Variants in TGS1 observed in about 807,000 individuals in gnomAD.
The protein encoded by TGS1 is trimethylguanosine synthase.
In TGS1, 69 loss-of-function variants were observed where a neutral mutation model predicts 92.2. The observed-to-expected ratio is 0.75, with a 90% CI of 0.62 to 0.91. The LOEUF is 0.91. Among genes scored for constraint, TGS1 ranks in the 40% least tolerant of loss-of-function variants. The pLI is 0.00. For missense variants in TGS1, 1,062 were observed against 1,001.2 expected (o/e 1.06, Z -0.82); for synonymous variants, 345 against 338.1 (o/e 1.02, Z -0.22).
At chr8:55,793,565 GTTTGT>G (rs1439591669) in intron 6 of TGS1, among the ~76,000 whole-genome samples, 2 of 151,666 alleles carry the variant, frequency 1.3e-5, no homozygotes, top group Non-Finnish European at 2.9e-5. Context: ...CACATTTTTT[GTTTGT>G]TTTGTTTTGT....
chr8:55,773,769 A>C (rs771662802), intron 1 of TGS1, 50 bp downstream of exon 1: 1 of 1,445,534 alleles, frequency 6.9e-7, no homozygotes, highest in Non-Finnish European at 9.5e-7. Flanking sequence ...CATTACCCAG[A>C]AATGTAGGTA....
At chr8:55,814,680 T>A (rs1262552388) in intron 12 of TGS1, among the ~76,000 whole-genome samples, 9 of 139,710 alleles carry the variant, frequency 6.4e-5, no homozygotes, top group East Asian at 2.0e-4. Context: ...AAAAAATATA[T>A]ATATATATAT....
chr8:55,803,130 G>GTGTGT (rs1563462674), intron 9 of TGS1, among the ~76,000 whole-genome samples: 2 of 143,586 alleles, frequency 1.4e-5, no homozygotes, highest in Non-Finnish European at 3.0e-5. Context: ...AATTTGGGGG[G>GTGTGT]GTGTGTGTGT....
intron 10 of TGS1, among the ~76,000 whole-genome samples, chr8:55,806,783 A>C (rs1812384710): frequency 6.6e-6 from 1 of 152,250 alleles, no homozygotes; most frequent in Admixed American, 6.5e-5. Flanking sequence ...GGCACACCTA[A>C]TAACTTGAAG....
intron 11 of TGS1, among the ~76,000 whole-genome samples, chr8:55,811,416 C>T (rs1037034310): frequency 2.7e-5 from 4 of 150,356 alleles, no homozygotes; most frequent in African/African-American, 4.9e-5. Context: ...GATCTGAGAT[C>T]GCGCCACTGC....
intron 6 of TGS1, among the ~76,000 whole-genome samples, chr8:55,794,192 G>A (rs1308565744): frequency 1.3e-5 from 2 of 152,012 alleles, no homozygotes; most frequent in African/African-American, 4.8e-5. Flanking sequence ...TTAGGGTCTC[G>A]CTCTGTAACA....
At chr8:55,820,899 G>T (rs1803618504) in intron 12 of TGS1, among the ~76,000 whole-genome samples, 1 of 152,140 alleles carries the variant, frequency 6.6e-6, no homozygotes. Context: ...TAAGAAAGCG[G>T]AGGGAACCAA....
intron 1 of TGS1, among the ~76,000 whole-genome samples, chr8:55,776,402 C>A (rs1811401015): frequency 6.6e-6 from 1 of 151,668 alleles, no homozygotes; most frequent in Non-Finnish European, 1.5e-5. Context: ...TGCCTCAGCC[C>A]ACCAAGTAGC....
intron 4 of TGS1, among the ~76,000 whole-genome samples, chr8:55,789,543 T>G (rs1020439797): frequency 6.6e-6 from 1 of 151,132 alleles, no homozygotes; most frequent in Non-Finnish European, 1.5e-5. Flanking sequence ...GTTTGTTGTG[T>G]TTTTTTTTAA....
chr8:55,823,361 T>C (rs1370575615), intron 12 of TGS1, among the ~76,000 whole-genome samples: 1 of 152,180 alleles, frequency 6.6e-6, no homozygotes, highest in Non-Finnish European at 1.5e-5. Flanking sequence ...CAAATGCTGG[T>C]CATTTGGCTA....
chr8:55,810,029 G>GCAAT (rs1197209856), intron 10 of TGS1, among the ~76,000 whole-genome samples: 3 of 152,138 alleles, frequency 2.0e-5, no homozygotes, highest in African/African-American at 7.2e-5. Context: ...TGTTATAATT[G>GCAAT]GTGCTTATAT....
At chr8:55,790,626 T>C (rs747769763) in intron 5 of TGS1, among the ~76,000 whole-genome samples, 7 of 152,148 alleles carry the variant, frequency 4.6e-5, no homozygotes, top group Non-Finnish European at 1.0e-4. Context: ...CTCAGCTCAA[T>C]TGATCCTTCT....
intron 1 of TGS1, among the ~76,000 whole-genome samples, chr8:55,777,701 G>A (rs1236810752): frequency 3.3e-5 from 5 of 151,820 alleles, no homozygotes; most frequent in South Asian, 2.1e-4. Flanking sequence ...CACCATACCC[G>A]GCTAATTTCT....
intron 3 of TGS1, 57 bp from the exon 4 acceptor site, chr8:55,786,181 A>T: frequency 1.0e-6 from 1 of 966,968 alleles, no homozygotes; most frequent in Non-Finnish European, 1.5e-6. Flanking sequence ...CTTGGATTCT[A>T]CTTTCTTTTA....
intron 12 of TGS1, among the ~76,000 whole-genome samples, chr8:55,814,224 A>G (rs1049397342): frequency 1.3e-5 from 2 of 152,134 alleles, no homozygotes; most frequent in Non-Finnish European, 2.9e-5. Context: ...CTGGGATTAT[A>G]GGTGTGAGCC....
At chr8:55,775,048 G>A (rs1268492388) in intron 1 of TGS1, among the ~76,000 whole-genome samples, 1 of 152,150 alleles carries the variant, frequency 6.6e-6, no homozygotes, top group African/African-American at 2.4e-5. Flanking sequence ...CCGGAAGTTG[G>A]AGACTAGCCT....
chr8:55,803,619 G>A (rs745998230), intron 9 of TGS1, among the ~76,000 whole-genome samples: 3 of 151,818 alleles, frequency 2.0e-5, no homozygotes, highest in Non-Finnish European at 2.9e-5. Flanking sequence ...GGTAAGGGGA[G>A]ACAACAGGAA....
intron 11 of TGS1, 143 bp downstream of exon 11, chr8:55,811,240 A>G (rs1403273692): frequency 1.4e-6 from 1 of 691,514 alleles, no homozygotes; most frequent in African/African-American, 1.8e-5. Context: ...AGGCAGGTGG[A>G]TCACCTGAGG....
chr8:55,777,331 G>T (rs1811430158), intron 1 of TGS1, among the ~76,000 whole-genome samples: 1 of 148,470 alleles, frequency 6.7e-6, no homozygotes, highest in Non-Finnish European at 1.5e-5. Flanking sequence ...AGTCCATGTA[G>T]CAAGATCTTC....
Sources: allele counts gnomAD v4.1 joint callset (sites outside exome capture counted in the v4.1 genomes callset), GRCh38; gene constraint gnomAD v4.1.1; transcripts MANE v1.5; gene names NCBI Gene and HGNC (gene_info 2026-07-23, HGNC 2026-07-21).